The following RAPSN variants were observed in gnomAD, a reference collection of about 807,000 sequenced individuals.
RAPSN encodes receptor associated protein of the synapse, also known as 43 kDa receptor-associated protein of the synapse.
Under a neutral mutation model 45.7 loss-of-function variants are expected in RAPSN, and 33 were observed. That is an observed-to-expected ratio of 0.72 (90% confidence interval 0.55 to 0.97). RAPSN has a LOEUF of 0.97. RAPSN is among the 50% of genes least tolerant of loss of function. The probability of loss-of-function intolerance (pLI) is 0.00; values close to 1 mark genes in which losing one functional copy is unlikely to be tolerated. For missense variants in RAPSN, 519 were observed against 559.4 expected (o/e 0.93, Z 0.73); for synonymous variants, 244 against 233.6 (o/e 1.04, Z -0.40).
At position 47,442,600 on chromosome 11, in the gene RAPSN, C is replaced by A. The variant is rs2076373767; in HGVS notation, c.690+56G>T. ...AAGGAAGCCCTGCTGTCCCAGGCCC[C>A]AGCCCCTGGCCCACACCACCTCATC... On this transcript the variant is annotated intron_variant, in intron 3 of 7. Transcript: ENST00000298854. The A allele has an allele frequency of 3.2e-6, 5 of 1,585,192 alleles. No homozygotes were observed. In the Admixed American group the frequency reaches 8.6e-5, roughly 27 times the overall value.
intron 5 of RAPSN, 94 bp downstream of exon 5, chr11:47,441,517 G>C: frequency 6.3e-7 from 1 of 1,575,760 alleles, no homozygotes; most frequent in Non-Finnish European, 8.6e-7. Flanking sequence ...TGAGGCTGAC[G>C]TCAGACAAAG....
rs753551147 is a variant in RAPSN, at chr11:47,438,861, C to T, written c.1037G>A (p.Arg346Gln). Residue 346 changes from arginine (R) to glutamine (Q), a missense_variant, in exon 7 of 8, where the codon CGG becomes CAG. Coordinates refer to ENST00000298854, the MANE Select transcript of RAPSN (RefSeq NM_005055.5). ...YRSKGLQREL[R>Q]AHVVRFHECV... is the part of the protein sequence containing the mutation. ...CTCGTGGAACCTCACAACGTGCGCC[C>T]GCAGTTCCCGCTGCAGCCCTTTGCT... 5 of 1,567,788 alleles carry T rather than the reference C, an allele frequency of 3.2e-6. No individual in the cohort carries two copies. In the African/African-American group the frequency reaches 4.0e-5, roughly 13 times the overall value.
At position 47,445,091 on chromosome 11, in the gene RAPSN, C is replaced by T. The variant is rs1287095499; in HGVS notation, c.532-2277G>A. On this transcript the variant is annotated intron_variant, in intron 2 of 7. Transcript: ENST00000298854. ...ACACACACAAAAAAAATTAGCGGGGCGTGGTGGCAGGCGCCTGTAGTCCCA... is the reference window on the plus strand; with the variant it reads ...ACACACACAAAAAAAATTAGCGGGGTGTGGTGGCAGGCGCCTGTAGTCCCA... Among the ~76,000 whole-genome samples, 17 of 146,904 alleles carry T rather than the reference C, an allele frequency of 1.2e-4. No homozygotes were observed. The East Asian group carries it at 1.7e-3, about 14-fold the overall frequency.
At chr11:47,448,202 G>C (rs959856458) in intron 1 of RAPSN, 52 bp from the exon 2 acceptor site, 2 of 1,583,818 alleles carry the variant, frequency 1.3e-6, no homozygotes, top group Middle Eastern at 1.7e-4. Flanking sequence ...TCTGAGCCTT[G>C]GACCCCAGCC....
rs1217801936 is a variant in RAPSN at position 47,448,857 on chromosome 11, G to A, written c.108C>T (p.Ser36=). Reference sequence around the variant, plus strand: ...CGCGGAAGCGCCCCATGAGGTCCGAGCTCTTCTCCAGCACCTTTGTCCACA... The same window carrying A: ...CGCGGAAGCGCCCCATGAGGTCCGAACTCTTCTCCAGCACCTTTGTCCACA... ...LQVWTKVLEK[S]SDLMGRFRVL... is the part of the protein sequence containing the mutation. Residue 36 remains serine (S), a synonymous_variant, in exon 1 of 8, where the codon AGC becomes AGT. Transcript: ENST00000298854. The A allele has an allele frequency of 1.2e-6, 2 of 1,614,046 alleles. No individual in the cohort carries two copies. The highest frequency in any genetic ancestry group is 8.5e-7 in the Non-Finnish European group (1 of 1,180,052).
rs1177180595 is a variant in RAPSN, at chr11:47,442,663, C to T, written c.683G>A (p.Cys228Tyr). The change falls in exon 3 of 8, where the codon TGT (cysteine) becomes TAT (tyrosine). Residue 228 changes from cysteine to tyrosine, a missense_variant. Physicochemically the swap from Cys to Tyr is radical, Grantham distance 194. Transcript: ENST00000298854. ...CCTTCCCCGCTGCCCCACCTCACAA[C>T]ACTCCATGGCACTGCCCAGGCGGCC... is the stretch of plus-strand genomic sequence containing the variant. ...LLGRLGSAME[C>Y]CEESMKIALQ... 5 of 1,614,094 alleles carry T rather than the reference C, an allele frequency of 3.1e-6. No individual in the cohort carries two copies. The highest frequency in any genetic ancestry group is 2.2e-5 in the East Asian group (1 of 44,870).
Position 47,437,835 on chromosome 11 carries a change from G to C in RAPSN, c.*140C>G. The C allele has an allele frequency of 9.5e-7, 1 of 1,048,464 alleles. No individual in the cohort carries two copies. The highest frequency in any genetic ancestry group is 1.4e-6 in the Non-Finnish European group (1 of 696,300). The allele number at this position is 1,048,464 out of a possible 1,614,324, so 64.9% of individuals were successfully genotyped here. A position where few individuals can be genotyped will look rare whatever the true frequency, so the allele number is the denominator to read the frequency against. ...GGCAGGGAGGGGAGCTGGGCCCAGG[G>C]GAGCAGCCCTGGGCAGGCCCCAAGG... On this transcript the variant is annotated 3_prime_UTR_variant, in exon 8 of 8. Coordinates refer to ENST00000298854, the MANE Select transcript of RAPSN (RefSeq NM_005055.5).
In RAPSN at chr11:47,448,688, G is replaced by A. The variant is rs938379216; in HGVS notation, c.192+85C>T. 49 of 1,551,562 alleles carry A rather than the reference G, an allele frequency of 3.2e-5. No homozygotes were observed. The African/African-American group carries it at 3.7e-4, about 12-fold the overall frequency. Reference sequence around the variant, plus strand: ...CAGCCTGTGGGACACAGGGGAGCCCGAGGAGGCCGAGAGGGGACTGGGGAG... The same window carrying A: ...CAGCCTGTGGGACACAGGGGAGCCCAAGGAGGCCGAGAGGGGACTGGGGAG... On this transcript the variant is annotated intron_variant, in intron 1 of 7. Transcript: ENST00000298854.
intron 1 of RAPSN, 43 bp downstream of exon 1, chr11:47,448,730 C>G: frequency 1.3e-6 from 2 of 1,599,666 alleles, no homozygotes; most frequent in Non-Finnish European, 1.7e-6. Flanking sequence ...AGACATCCGG[C>G]CCCAGCCTGA....
In RAPSN at chr11:47,449,108, G is replaced by C; in HGVS notation, c.-144C>G. ...TCGGGTGGGAGCCGGAATGGGGCCT[G>C]GATGGAGAGCAGGCGCCACCCTGGG... On this transcript the variant is annotated 5_prime_UTR_variant, in exon 1 of 8. Transcript: ENST00000298854. 1.0e-6 allele frequency: 1 copy of C among 985,896 alleles called. No individual in the cohort carries two copies. Among genetic ancestry groups the C allele is most frequent in the Non-Finnish European group, 1.6e-6 (1 of 640,188 alleles). 61.1% of individuals were successfully genotyped at this position (985,896 alleles called of 1,614,324 possible). A position where few individuals can be genotyped will look rare whatever the true frequency, so the allele number is the denominator to read the frequency against.
chr11:47,446,234 A>C (rs374457786), intron 2 of RAPSN, among the ~76,000 whole-genome samples: 6 of 151,890 alleles, frequency 4.0e-5, no homozygotes, highest in Non-Finnish European at 8.8e-5. Flanking sequence ...AAAAAAAAAA[A>C]AAAACTGTTT....
intron 3 of RAPSN, 88 bp downstream of exon 3, chr11:47,442,568 T>A: frequency 2.0e-6 from 3 of 1,485,652 alleles, no homozygotes; most frequent in Non-Finnish European, 2.7e-6. Flanking sequence ...ATGGGCTGAT[T>A]TGGAAGAAGG....
intron 3 of RAPSN, 22 bp downstream of exon 3, chr11:47,442,634 G>A (rs974203241): frequency 5.6e-6 from 9 of 1,611,466 alleles, no homozygotes; most frequent in Non-Finnish European, 7.6e-6. Context: ...TCCCCGACCT[G>A]CCCCCTTCCC....
At chr11:47,448,406 T>G (rs886174917) in intron 1 of RAPSN, among the ~76,000 whole-genome samples, 2 of 150,418 alleles carry the variant, frequency 1.3e-5, no homozygotes, top group African/African-American at 4.9e-5. Flanking sequence ...AGATCTGGAG[T>G]CTCCACCACC....
At chr11:47,441,563 T>C in intron 5 of RAPSN, 48 bp downstream of exon 5, 1 of 1,599,260 alleles carries the variant, frequency 6.3e-7, no homozygotes, top group Middle Eastern at 1.7e-4. Context: ...TGGCCCCAAG[T>C]GGGGAGTGCT....
chr11:47,447,140 C>T (rs564543253), intron 2 of RAPSN, among the ~76,000 whole-genome samples: 3 of 152,110 alleles, frequency 2.0e-5, no homozygotes, highest in African/African-American at 7.2e-5. Flanking sequence ...TGCTCTCTCA[C>T]CAGATTTTTG....
At chr11:47,446,619 G>A (rs1313317720) in intron 2 of RAPSN, among the ~76,000 whole-genome samples, 28 of 152,142 alleles carry the variant, frequency 1.8e-4, no homozygotes, top group Admixed American at 1.8e-3. Context: ...AAAATACCCA[G>A]GGTTGGCCGG....
Position 47,448,958 on chromosome 11 carries a change from G to A in RAPSN, c.7C>T (p.Gln3Ter), listed in dbSNP as rs2076433607. 1 of 1,614,104 alleles carries A rather than the reference G, an allele frequency of 6.2e-7. No homozygotes were observed. The highest frequency in any genetic ancestry group is 1.3e-5 in the African/African-American group (1 of 74,954). Residue 3 changes from glutamine (Q) to a stop codon, truncating the protein, a stop_gained, in exon 1 of 8, where the codon CAG becomes TAG. Transcript: ENST00000298854. LOFTEE classifies it high-confidence loss of function. MG[Q>*]DQTKQQIEKG... ...TCGATCTGCTGCTTGGTCTGGTCCT[G>A]CCCCATCCTCCCCAAGCCCTGTGTC...
intron 6 of RAPSN, among the ~76,000 whole-genome samples, chr11:47,439,489 AT>A (rs2076346280): frequency 6.6e-6 from 1 of 151,988 alleles, no homozygotes; most frequent in Non-Finnish European, 1.5e-5. Flanking sequence ...AAAAATAATA[AT>A]TAATCTGCTT....
Sources: gnomAD v4.1 joint callset for allele counts (sites outside exome capture counted in the v4.1 genomes callset) on GRCh38, gnomAD v4.1.1 for gene constraint, MANE v1.5 for transcripts, NCBI Gene and HGNC (gene_info 2026-07-23, HGNC 2026-07-21) for gene names.